The following SEC63 variants were observed in gnomAD, a reference collection of about 807,000 sequenced individuals.
SEC63 encodes SEC63 protein translocation regulator.
Under a neutral mutation model 116.2 loss-of-function variants are expected in SEC63, and 56 were observed. That is an observed-to-expected ratio of 0.48 (90% CI 0.39 to 0.60). The LOEUF (loss-of-function observed/expected upper bound fraction) is 0.60, where lower values mean the gene tolerates loss of function less well. Ranked by LOEUF, SEC63 falls within the 20% of genes least tolerant of loss-of-function variation. The pLI is 0.00. For missense variants in SEC63, 668 were observed against 900.0 expected (o/e 0.74, Z 3.30); for synonymous variants, 273 against 294.6 (o/e 0.93, Z 0.75).
At chr6:107,884,098 A>AAAACAAAC (rs4029205) in intron 16 of SEC63, among the ~76,000 whole-genome samples, 5 of 150,090 alleles carry the variant, frequency 3.3e-5, no homozygotes, top group Admixed American at 6.6e-5. Flanking sequence ...AAAAATACAA[A>AAAACAAAC]AAACAAACAA....
chr6:107,903,505 A>G (rs1787058055), intron 11 of SEC63, among the ~76,000 whole-genome samples: 1 of 152,138 alleles, frequency 6.6e-6, no homozygotes, highest in Admixed American at 6.6e-5. Flanking sequence ...GTTGGAAACC[A>G]GACCAGTCTG....
At chr6:107,875,384 C>G (rs1786238598) in intron 19 of SEC63, among the ~76,000 whole-genome samples, 1 of 152,050 alleles carries the variant, frequency 6.6e-6, no homozygotes, top group Non-Finnish European at 1.5e-5. Flanking sequence ...GTTAACTTTT[C>G]AATAGGTTTT....
intron 4 of SEC63, among the ~76,000 whole-genome samples, chr6:107,919,232 T>G (rs1005974544): frequency 2.3e-4 from 35 of 152,246 alleles, no homozygotes; most frequent in African/African-American, 8.4e-4. Flanking sequence ...TCAACCTTCA[T>G]GGATGACTTG....
chr6:107,909,031 G>C lies in SEC63; in HGVS notation c.629C>G (p.Ser210Cys). 6.2e-7 allele frequency: 1 copy of C among 1,607,362 alleles called. No individual in the cohort carries two copies. The highest frequency in any genetic ancestry group is 8.5e-7 in the Non-Finnish European group (1 of 1,174,294). Reference sequence around the variant, plus strand: ...ATAGCGTATTGAGCGATACCACCAAGAGCCCTAAAACACAAAAAAAATTAA... The same window carrying C: ...ATAGCGTATTGAGCGATACCACCAACAGCCCTAAAACACAAAAAAAATTAA... The part of the protein sequence containing the change: ...FMVILPVVVG[S>C]WWYRSIRYSG... The change falls in exon 8 of 21, where the codon TCT becomes TGT. Residue 210 changes from serine (S) to cysteine (C), a missense_variant. Physicochemically the swap from Ser to Cys is moderately radical, Grantham distance 112 (BLOSUM62 -1). Coordinates refer to ENST00000369002, the MANE Select transcript of SEC63 (RefSeq NM_007214.5).
intron 1 of SEC63, among the ~76,000 whole-genome samples, chr6:107,938,705 C>T (rs1272146689): frequency 6.6e-6 from 1 of 151,550 alleles, no homozygotes; most frequent in Non-Finnish European, 1.5e-5. Context: ...TACAGGCATG[C>T]ACCACCACAC....
chr6:107,929,469 A>G lies in SEC63; in HGVS notation c.170T>C (p.Met57Thr). The stretch of plus-strand genomic sequence containing the variant: ...TTTTAATAACCGTAAACGATACCAC[A>G]TACACCTTCCATATACTTTTCTGAT... ...KNIRKVYGRC[M>T]WYRLRLLKPQ... is the part of the protein sequence containing the mutation. The change falls in exon 2 of 21, where the codon ATG becomes ACG. Residue 57 changes from methionine (M) to threonine (T), a missense_variant. Transcript: ENST00000369002. 6.2e-7 allele frequency: 1 copy of G among 1,601,134 alleles called. No homozygotes were observed.
chr6:107,939,549 C>T (rs966763131), intron 1 of SEC63, among the ~76,000 whole-genome samples: 1 of 152,038 alleles, frequency 6.6e-6, no homozygotes, highest in African/African-American at 2.4e-5. Flanking sequence ...GTCAGGAGTT[C>T]AAGACCAGCC....
At chr6:107,920,684 C>T (rs1485421930) in intron 4 of SEC63, among the ~76,000 whole-genome samples, 1 of 152,114 alleles carries the variant, frequency 6.6e-6, no homozygotes, top group Non-Finnish European at 1.5e-5. Flanking sequence ...TCTCATATTT[C>T]ACTCTTTCAT....
chr6:107,951,518 T>C (rs1157354583), intron 1 of SEC63, among the ~76,000 whole-genome samples: 1 of 152,078 alleles, frequency 6.6e-6, no homozygotes, highest in Non-Finnish European at 1.5e-5. Context: ...CCTCCCAAAA[T>C]GGCAACTACA....
chr6:107,886,842 TG>T (rs1562316141), intron 16 of SEC63, among the ~76,000 whole-genome samples: 2 of 145,528 alleles, frequency 1.4e-5, no homozygotes, highest in Non-Finnish European at 3.0e-5. Context: ...TTTGTTTTTT[TG>T]GGTTTTTTTT....
At chr6:107,931,583 A>G (rs1036726834) in intron 1 of SEC63, among the ~76,000 whole-genome samples, 2 of 150,712 alleles carry the variant, frequency 1.3e-5, no homozygotes, top group African/African-American at 4.9e-5. Context: ...CCCTCTCTCT[A>G]CTAAAAAGAC....
intron 17 of SEC63, 125 bp downstream of exon 17, chr6:107,882,863 T>C (rs1786442798): frequency 1.6e-6 from 1 of 628,074 alleles, no homozygotes; most frequent in African/African-American, 1.8e-5. Context: ...AATTATAAAA[T>C]ATACAGATAT....
Position 107,893,822 on chromosome 6 carries a change from A to C in SEC63, c.1500+16T>G, listed in dbSNP as rs1583734866. The C allele has an allele frequency of 1.9e-6, 3 of 1,614,072 alleles. No homozygotes were observed. In the East Asian group the frequency reaches 6.7e-5, roughly 36 times the overall value. On this transcript the variant is annotated intron_variant, in intron 15 of 20. Coordinates refer to ENST00000369002, the MANE Select transcript of SEC63 (RefSeq NM_007214.5). ...CTTTCACTAGGAAAAATAGGTTCGGAAACCCAAGTTTTTACCCCATCTTCT... is the reference window on the plus strand; with the variant it reads ...CTTTCACTAGGAAAAATAGGTTCGGCAACCCAAGTTTTTACCCCATCTTCT...
rs891435225 is a variant in SEC63 at position 107,869,270 on chromosome 6, A to G, written c.*2434T>C. ...GAACATCTAACTCTGAGATTGAGAT[A>G]TTAACACCTCAGGGCCTCAATCAAA... On this transcript the variant is annotated 3_prime_UTR_variant, in exon 21 of 21. Coordinates refer to ENST00000369002, the MANE Select transcript of SEC63 (RefSeq NM_007214.5). 4 of 152,236 alleles carry G rather than the reference A, an allele frequency of 2.6e-5. No individual in the cohort carries two copies. The highest frequency in any genetic ancestry group is 4.8e-5 in the African/African-American group (2 of 41,468). 9.4% of individuals were successfully genotyped at this position (152,236 alleles called of 1,614,324 possible).
At chr6:107,917,755 C>G (rs764637474) in intron 4 of SEC63, among the ~76,000 whole-genome samples, 3 of 152,164 alleles carry the variant, frequency 2.0e-5, no homozygotes, top group Non-Finnish European at 4.4e-5. Flanking sequence ...AAGGCCCTAA[C>G]GAAGGCTGAG....
chr6:107,888,176 CT>C (rs1163476433), intron 16 of SEC63, among the ~76,000 whole-genome samples: 7 of 152,088 alleles, frequency 4.6e-5, no homozygotes, highest in African/African-American at 1.7e-4. Context: ...CTATAAATTA[CT>C]TTGGGGAGTG....
At chr6:107,927,157 G>C (rs1484474777) in intron 2 of SEC63, among the ~76,000 whole-genome samples, 3 of 152,060 alleles carry the variant, frequency 2.0e-5, no homozygotes, top group African/African-American at 7.2e-5. Flanking sequence ...CCACCTCCTG[G>C]GCTCAAGCAA....
At chr6:107,908,568 A>G (rs1475577588) in intron 8 of SEC63, among the ~76,000 whole-genome samples, 1 of 152,204 alleles carries the variant, frequency 6.6e-6, no homozygotes, top group African/African-American at 2.4e-5. Flanking sequence ...ATGTACTGTA[A>G]AACAGCACTC....
At position 107,929,443 on chromosome 6, in the gene SEC63, G is replaced by T; in HGVS notation, c.196C>A (p.Pro66Thr). The T allele has an allele frequency of 6.3e-7, 1 of 1,592,042 alleles. No individual in the cohort carries two copies. The highest frequency in any genetic ancestry group is 8.6e-7 in the Non-Finnish European group (1 of 1,160,202). The change falls in exon 2 of 21, where the codon CCC (proline) becomes ACC (threonine). Residue 66 changes from proline to threonine, a missense_variant. Pro to Thr is a conservative substitution (Grantham distance 38). Around this residue, in one of 5 missense-constraint regions of SEC63, gnomAD observed 142 missense variants for 169.5 expected, o/e 0.84. Transcript: ENST00000369002. Reference protein sequence around the residue: ...CMWYRLRLLKPQPNIIPTVKK... With the variant: ...CMWYRLRLLKTQPNIIPTVKK... ...ACTGTAGGAATAATATTTGGCTGGG[G>T]TTTTAATAACCGTAAACGATACCAC...
Sources: allele counts gnomAD v4.1 joint callset (sites outside exome capture counted in the v4.1 genomes callset), GRCh38; gene constraint gnomAD v4.1.1; regional missense constraint gnomAD v4.1.1; transcripts MANE v1.5; gene names NCBI Gene and HGNC (gene_info 2026-07-23, HGNC 2026-07-21).